CCDC178: variants seen among roughly 807,000 people sequenced by gnomAD.
CCDC178 encodes the protein coiled-coil domain containing 178, also known as coiled-coil domain-containing protein 178.
A neutral mutation model predicts 117.4 loss-of-function variants in CCDC178; 126 were observed. The observed-to-expected ratio is 1.07, with a 90% CI of 0.93 to 1.24. The LOEUF (loss-of-function observed/expected upper bound fraction) is 1.24. Among genes scored for constraint, CCDC178 ranks in the 50% most tolerant of loss-of-function variants. The probability of loss-of-function intolerance (pLI) is 0.00; values close to 1 mark genes in which losing one functional copy is unlikely to be tolerated. For missense variants in CCDC178, 1,030 were observed against 986.9 expected, an observed-to-expected ratio of 1.04 and a Z score of -0.59; for synonymous variants, 283 against 313.4, an observed-to-expected ratio of 0.90 and a Z score of 1.02.
At chr18:33,380,166 GA>G (rs753692194) in intron 5 of CCDC178, among the ~76,000 whole-genome samples, 7 of 152,126 alleles carry the variant, frequency 4.6e-5, no homozygotes, top group Non-Finnish European at 8.8e-5. Flanking sequence ...TTGCCAAGCT[GA>G]TCGTGATTGC....
intron 20 of CCDC178, among the ~76,000 whole-genome samples, chr18:33,142,330 A>G (rs899180421): frequency 2.0e-5 from 3 of 152,212 alleles, no homozygotes; most frequent in Non-Finnish European, 4.4e-5. Context: ...CCATACTGCA[A>G]CATGGAAAGC....
rs374661535 is a variant in CCDC178, at chr18:33,179,870, T to C, written c.2238+32026A>G. Among the ~76,000 whole-genome samples the C allele has an allele frequency of 1.1e-4, 17 of 152,156 alleles. No individual in the cohort carries two copies. In the East Asian group the frequency reaches 2.9e-3, roughly 26 times the overall value. ...TAACACCGCTAGTCTACAAACTTCA[T>C]GGACATTAATGGGACAGATTTCTTT... On this transcript the variant is annotated intron_variant, in intron 20 of 22. Transcript: ENST00000383096.
chr18:33,341,028 A>G (rs2062810635), intron 9 of CCDC178, among the ~76,000 whole-genome samples: 1 of 152,026 alleles, frequency 6.6e-6, no homozygotes, highest in African/African-American at 2.4e-5. Flanking sequence ...AGCCACAGAC[A>G]CTCAACACTA....
intron 5 of CCDC178, among the ~76,000 whole-genome samples, chr18:33,388,969 C>T (rs1183811861): frequency 6.6e-6 from 1 of 151,786 alleles, no homozygotes; most frequent in African/African-American, 2.4e-5. Flanking sequence ...AGGGGAAGAG[C>T]ACTTACTGGG....
chr18:33,160,153 A>G (rs1440986069), intron 20 of CCDC178, among the ~76,000 whole-genome samples: 2 of 152,110 alleles, frequency 1.3e-5, no homozygotes, highest in Non-Finnish European at 2.9e-5. Flanking sequence ...TTCTGCTTCA[A>G]TGACTCAAGA....
chr18:33,187,305 A>G (rs2058808444), intron 20 of CCDC178, among the ~76,000 whole-genome samples: 1 of 152,052 alleles, frequency 6.6e-6, no homozygotes, highest in Non-Finnish European at 1.5e-5. Context: ...ACCACATGAT[A>G]TGGCCCACCC....
intron 21 of CCDC178, among the ~76,000 whole-genome samples, chr18:33,032,253 G>A (rs1008890607): frequency 6.6e-5 from 10 of 152,092 alleles, no homozygotes; most frequent in African/African-American, 1.4e-4. Context: ...GCTAGTCCCA[G>A]AGTTTGCTCC....
chr18:33,434,716 A>G (rs556336271), intron 2 of CCDC178, among the ~76,000 whole-genome samples: 4 of 152,250 alleles, frequency 2.6e-5, no homozygotes, highest in Admixed American at 2.6e-4. Context: ...GAAACAAGCA[A>G]AAGTTCATCC....
chr18:33,341,852 A>G (rs918776598), intron 9 of CCDC178, among the ~76,000 whole-genome samples: 6 of 152,204 alleles, frequency 3.9e-5, no homozygotes, highest in African/African-American at 1.4e-4. Context: ...TACAGACCTA[A>G]AACTAGGAAA....
intron 13 of CCDC178, 58 bp downstream of exon 13, chr18:33,267,144 T>A: frequency 6.5e-7 from 1 of 1,529,336 alleles, no homozygotes; most frequent in Non-Finnish European, 8.8e-7. Flanking sequence ...ATATATGAGT[T>A]AATATTTGGA....
At chr18:33,367,024 AG>A (rs1185669884) in intron 6 of CCDC178, among the ~76,000 whole-genome samples, 1 of 152,074 alleles carries the variant, frequency 6.6e-6, no homozygotes, top group Non-Finnish European at 1.5e-5. Flanking sequence ...GACATTCTGG[AG>A]GAAAAATGCA....
chr18:33,268,592 A>C (rs923826744), intron 12 of CCDC178, among the ~76,000 whole-genome samples: 2 of 151,868 alleles, frequency 1.3e-5, no homozygotes, highest in African/African-American at 4.8e-5. Context: ...CGAGTAAACC[A>C]AGAGATCTGT....
intron 7 of CCDC178, among the ~76,000 whole-genome samples, chr18:33,350,026 AT>A (rs200341180): frequency 1.3e-5 from 2 of 151,658 alleles, no homozygotes; most frequent in East Asian, 3.9e-4. Context: ...TATCCTTTAT[AT>A]TTTCTTCCTT....
At chr18:33,208,106 A>G (rs1161699101) in intron 20 of CCDC178, among the ~76,000 whole-genome samples, 2 of 152,148 alleles carry the variant, frequency 1.3e-5, no homozygotes, top group African/African-American at 4.8e-5. Context: ...AAAAAGCAAT[A>G]CGATAAGCCT....
intron 11 of CCDC178, among the ~76,000 whole-genome samples, chr18:33,308,311 T>C (rs2062286046): frequency 6.6e-6 from 1 of 152,346 alleles, no homozygotes; most frequent in East Asian, 1.9e-4. Flanking sequence ...GTTTAATGAC[T>C]GCCCTATTGG....
At chr18:33,332,942 A>G (rs1418992325) in intron 10 of CCDC178, among the ~76,000 whole-genome samples, 1 of 152,164 alleles carries the variant, frequency 6.6e-6, no homozygotes. Flanking sequence ...TAAATGACCA[A>G]AATTTTACCA....
At chr18:33,341,637 T>A (rs2062818202) in intron 9 of CCDC178, among the ~76,000 whole-genome samples, 1 of 152,112 alleles carries the variant, frequency 6.6e-6, no homozygotes, top group Admixed American at 6.5e-5. Context: ...ATAAGTCTCA[T>A]GAGATCTGAT....
At chr18:33,047,163 A>G (rs1598824793) in intron 21 of CCDC178, among the ~76,000 whole-genome samples, 1 of 152,342 alleles carries the variant, frequency 6.6e-6, no homozygotes, top group South Asian at 2.1e-4. Context: ...AGATGTCACA[A>G]CTTACCCTAC....
intron 2 of CCDC178, among the ~76,000 whole-genome samples, chr18:33,426,601 C>T (rs2144952759): frequency 6.6e-6 from 1 of 152,312 alleles, no homozygotes; most frequent in African/African-American, 2.4e-5. Flanking sequence ...TCTCTTTACT[C>T]TTCCTTTCCT....
Sources: gnomAD v4.1 joint callset for allele counts (sites outside exome capture counted in the v4.1 genomes callset) on GRCh38, gnomAD v4.1.1 for gene constraint, MANE v1.5 for transcripts, NCBI Gene and HGNC (gene_info 2026-07-23, HGNC 2026-07-21) for gene names.